TG: variants seen among roughly 807,000 people sequenced by gnomAD.
The protein encoded by TG is thyroid hormones.
Under a neutral mutation model 324.7 loss-of-function variants are expected in TG, and 270 were observed. The observed-to-expected ratio is 0.83, with a 90% CI of 0.75 to 0.92. The LOEUF is 0.92. Ranked by LOEUF, TG falls within the 40% of genes least tolerant of loss-of-function variation. TG has a pLI of 0.00. For synonymous variants in TG, 1,401 were observed against 1,327.0 expected, an observed-to-expected ratio of 1.06 and a Z score of -1.21; for missense variants, 3,591 against 3,456.4, an observed-to-expected ratio of 1.04 and a Z score of -0.98.
intron 41 of TG, chr8:133,050,225 A>C: frequency 1.9e-6 from 1 of 536,008 alleles, no homozygotes; most frequent in Non-Finnish European, 3.4e-6. Flanking sequence ...TGTGCTAGAA[A>C]TAGCTGCTTT....
chr8:132,872,163 T>C (rs1477484876), intron 4 of TG, among the ~76,000 whole-genome samples: 2 of 152,146 alleles, frequency 1.3e-5, no homozygotes, highest in Non-Finnish European at 2.9e-5. Context: ...TCAAAAGTTT[T>C]AAAAAATTAA....
chr8:132,884,275 A>G (rs1815074945), intron 8 of TG, among the ~76,000 whole-genome samples: 1 of 152,192 alleles, frequency 6.6e-6, no homozygotes, highest in Admixed American at 6.5e-5. Context: ...TAAAGCAGAA[A>G]CAGTGGGAGA....
rs781018780 is a variant in TG at position 132,969,576 on chromosome 8, T to C, written c.5975+7T>C. 2.6e-6 allele frequency: 4 copies of C among 1,510,892 alleles called. No individual in the cohort carries two copies. The highest frequency in any genetic ancestry group is 3.7e-6 in the Non-Finnish European group (4 of 1,086,080). 93.6% of individuals were successfully genotyped at this position (1,510,892 alleles called of 1,614,324 possible). ...AAAAATCTATTTCTAATGGGTAAGC[T>C]ACTTGTGTCTCACCCCTAATGTTTA... On this transcript the variant is annotated splice_region_variant and intron_variant, in intron 32 of 47. Transcript: ENST00000220616.
chr8:133,065,498 A>G (rs1161243362), intron 41 of TG, among the ~76,000 whole-genome samples: 1 of 152,172 alleles, frequency 6.6e-6, no homozygotes, highest in East Asian at 1.9e-4. Flanking sequence ...GCGGTGGCTC[A>G]CACCTGTGAT....
intron 35 of TG, among the ~76,000 whole-genome samples, chr8:132,999,328 A>C (rs6993571): frequency 0.025 from 3,796 of 150,664 alleles, 158 homozygotes; most frequent in African/African-American, 0.088. Context: ...AAAAAAAAAA[A>C]CTAGAATCTA....
rs113767524 is a variant in TG at position 132,978,296 on chromosome 8, G to A, written c.6200-5054G>A. ...TACTTCTTGTGTGAACTCATAGAGCGAGAATTCACTCATTACTGCGAGGAC... is the reference window on the plus strand; with the variant it reads ...TACTTCTTGTGTGAACTCATAGAGCAAGAATTCACTCATTACTGCGAGGAC... On this transcript the variant is annotated intron_variant, in intron 34 of 47. Coordinates refer to ENST00000220616, the MANE Select transcript of TG (RefSeq NM_003235.5). Among the ~76,000 whole-genome samples the A allele has an allele frequency of 3.3e-5, 5 of 152,228 alleles. No individual in the cohort carries two copies. The East Asian group carries it at 7.8e-4, about 24-fold the overall frequency.
At chr8:133,060,234 C>T (rs375775477) in intron 41 of TG, 171 of 1,612,696 alleles carry the variant, frequency 1.1e-4, no homozygotes, top group Middle Eastern at 1.6e-4. Flanking sequence ...GAAAGTCAAC[C>T]GTGCCCTGAG....
At chr8:132,962,131 AGAAGAGGAGGAGGAG>A (rs1827851786) in intron 28 of TG, among the ~76,000 whole-genome samples, 1 of 152,198 alleles carries the variant, frequency 6.6e-6, no homozygotes, top group African/African-American at 2.4e-5. Flanking sequence ...GAAGGAAGGC[AGAAGAGGAGGAGGAG>A]GAAGAGGAGA....
chr8:133,001,723 G>A (rs1833524380), intron 35 of TG: 10 of 984,902 alleles, frequency 1.0e-5, no homozygotes, highest in Admixed American at 6.1e-5. Flanking sequence ...CCCTGTGGCC[G>A]TACAGGCCTC....
chr8:132,907,938 C>T (rs999708555), intron 17 of TG, among the ~76,000 whole-genome samples: 1 of 152,102 alleles, frequency 6.6e-6, no homozygotes, highest in East Asian at 1.9e-4. Flanking sequence ...ATGTCCAGGA[C>T]CTCAAAATAT....
At chr8:132,926,043 C>T (rs1340715646) in intron 22 of TG, among the ~76,000 whole-genome samples, 3 of 152,180 alleles carry the variant, frequency 2.0e-5, no homozygotes, top group East Asian at 1.9e-4. Flanking sequence ...CTGGATATGC[C>T]TGGGGATTTC....
chr8:132,915,057 T>G (rs897621551), intron 20 of TG, among the ~76,000 whole-genome samples: 1 of 152,078 alleles, frequency 6.6e-6, no homozygotes, highest in African/African-American at 2.4e-5. Flanking sequence ...TGTTTGTGTT[T>G]TTGTCCGTAC....
intron 41 of TG, chr8:133,059,023 T>G: frequency 2.2e-6 from 1 of 459,150 alleles, no homozygotes. Flanking sequence ...AGAAGGCTCC[T>G]TTGTGAGGGA....
intron 41 of TG, among the ~76,000 whole-genome samples, chr8:133,031,146 A>G (rs1836603337): frequency 1.3e-5 from 2 of 152,158 alleles, no homozygotes; most frequent in Admixed American, 6.5e-5. Context: ...AGCCCCTGGT[A>G]ACCACTACTC....
At chr8:132,872,647 G>A (rs530590495) in intron 4 of TG, among the ~76,000 whole-genome samples, 3 of 152,058 alleles carry the variant, frequency 2.0e-5, no homozygotes, top group South Asian at 2.1e-4. Flanking sequence ...TGACTCACCC[G>A]GAGCAACTGC....
intron 20 of TG, among the ~76,000 whole-genome samples, chr8:132,917,889 A>ATTTTTTT (rs71299038): frequency 0.051 from 7,014 of 138,676 alleles, 246 homozygotes; most frequent in Middle Eastern, 0.12. Context: ...GGTTTTTGCA[A>ATTTTTTT]TTTTTTTTTT....
At chr8:133,047,719 C>G (rs1245883244) in intron 41 of TG, 3 of 744,412 alleles carry the variant, frequency 4.0e-6, no homozygotes, top group African/African-American at 3.4e-5. Context: ...TACATTGGAT[C>G]AATTTGCATG....
At chr8:132,952,969 C>T (rs1254802145) in intron 27 of TG, among the ~76,000 whole-genome samples, 5 of 152,332 alleles carry the variant, frequency 3.3e-5, no homozygotes, top group African/African-American at 1.2e-4. Context: ...GTGCAATTTA[C>T]TGGAAGTGGA....
At chr8:132,995,128 C>G (rs919335272) in intron 35 of TG, 3 of 973,394 alleles carry the variant, frequency 3.1e-6, no homozygotes, top group African/African-American at 1.9e-5. Flanking sequence ...CTGGGCAGAT[C>G]TCAGTCTCTG....
Sources: allele counts gnomAD v4.1 joint callset (sites outside exome capture counted in the v4.1 genomes callset), GRCh38; gene constraint gnomAD v4.1.1; transcripts MANE v1.5; gene names NCBI Gene and HGNC (gene_info 2026-07-23, HGNC 2026-07-21).